Variants in PDE1A observed in about 807,000 individuals in gnomAD.
PDE1A encodes dual specificity calcium/calmodulin-dependent 3',5'-cyclic nucleotide phosphodiesterase 1A.
A neutral mutation model predicts 61.7 loss-of-function variants in PDE1A; 35 were observed. The observed-to-expected ratio is 0.57, with a 90% CI of 0.43 to 0.75. The LOEUF is 0.75. Among genes scored for constraint, PDE1A ranks in the 30% least tolerant of loss-of-function variants. The pLI is 0.00. For synonymous variants in PDE1A, 232 were observed against 213.2 expected, an observed-to-expected ratio of 1.09 and a Z score of -0.77; for missense variants, 597 against 630.6, an observed-to-expected ratio of 0.95 and a Z score of 0.57.
chr2:182,516,810 A>T (rs1690212697), intron 2 of PDE1A, among the ~76,000 whole-genome samples: 1 of 110,140 alleles, frequency 9.1e-6, no homozygotes, highest in Admixed American at 1.0e-4. Flanking sequence ...AAAGGAAGGA[A>T]GGAAAGGAAG....
chr2:182,650,043 T>C, the PDE1A span, among the ~76,000 whole-genome samples: 1 of 152,018 alleles, frequency 6.6e-6, no homozygotes, highest in African/African-American at 2.4e-5. Context: ...CATATCTAGG[T>C]GTGATCGTAC....
chr2:182,475,232 T>C (rs1687278745), intron 2 of PDE1A, among the ~76,000 whole-genome samples: 1 of 151,884 alleles, frequency 6.6e-6, no homozygotes, highest in African/African-American at 2.4e-5. Context: ...ACTGTCAAGA[T>C]GAGACCTCAG....
At chr2:182,403,406 TG>T (rs1370192685) in intron 1 of PDE1A, among the ~76,000 whole-genome samples, 1 of 151,938 alleles carries the variant, frequency 6.6e-6, no homozygotes, top group Non-Finnish European at 1.5e-5. Context: ...GAGACCATCC[TG>T]GCTAACACGG....
At chr2:182,253,156 G>A (rs529980479) in intron 2 of PDE1A, among the ~76,000 whole-genome samples, 1 of 152,284 alleles carries the variant, frequency 6.6e-6, no homozygotes, top group African/African-American at 2.4e-5. Context: ...TTTATTGTTA[G>A]GGTAAAGTGA....
chr2:182,598,613 C>T, the PDE1A span, among the ~76,000 whole-genome samples: 23 of 151,780 alleles, frequency 1.5e-4, no homozygotes, highest in African/African-American at 5.6e-4. Flanking sequence ...TCTGCTTTCA[C>T]GCTCTCCCTT....
chr2:182,278,423 C>T (rs1377145131), intron 1 of PDE1A, among the ~76,000 whole-genome samples: 3 of 151,884 alleles, frequency 2.0e-5, no homozygotes, highest in Admixed American at 6.6e-5. Context: ...GGCTTCAGTT[C>T]TATGTTTTGG....
chr2:182,209,419 G>A (rs1248622623), intron 7 of PDE1A, among the ~76,000 whole-genome samples: 1 of 151,864 alleles, frequency 6.6e-6, no homozygotes. Flanking sequence ...AATTCAACAT[G>A]AGATTTGGAT....
intron 7 of PDE1A, among the ~76,000 whole-genome samples, chr2:182,209,506 G>A (rs1033936828): frequency 6.6e-6 from 1 of 151,248 alleles, no homozygotes; most frequent in Non-Finnish European, 1.5e-5. Context: ...GGGGGACACA[G>A]AGCCAAGCAT....
chr2:182,376,289 C>G (rs1700400184), intron 1 of PDE1A, among the ~76,000 whole-genome samples: 1 of 152,178 alleles, frequency 6.6e-6, no homozygotes, highest in Non-Finnish European at 1.5e-5. Flanking sequence ...TTTAACAGCA[C>G]CCAAGTCACC....
chr2:182,602,992 C>CACACATACATACAT, the PDE1A span, among the ~76,000 whole-genome samples: 1,701 of 130,454 alleles, frequency 0.013, 17 homozygotes, highest in African/African-American at 0.024. Flanking sequence ...CACACACACA[C>CACACATACATACAT]ACATACATAC....
chr2:182,714,999 A>G, the PDE1A span, among the ~76,000 whole-genome samples: 1 of 152,170 alleles, frequency 6.6e-6, no homozygotes, highest in African/African-American at 2.4e-5. Flanking sequence ...AAGCTTCCTC[A>G]TCACCTAAGA....
chr2:182,662,598 C>G, the PDE1A span, among the ~76,000 whole-genome samples: 2 of 152,132 alleles, frequency 1.3e-5, no homozygotes, highest in Non-Finnish European at 2.9e-5. Flanking sequence ...AAAGGACTCC[C>G]TATTCGATAA....
the PDE1A span, among the ~76,000 whole-genome samples, chr2:182,607,112 T>TGGTTA: frequency 6.6e-6 from 1 of 151,982 alleles, no homozygotes; most frequent in Non-Finnish European, 1.5e-5. Context: ...CAGAAGCAGG[T>TGGTTA]GGTTAGTTAG....
At chr2:182,503,780 C>A (rs1574816599) in intron 2 of PDE1A, among the ~76,000 whole-genome samples, 2 of 152,068 alleles carry the variant, frequency 1.3e-5, no homozygotes, top group South Asian at 2.1e-4. Context: ...TATTCTTTTG[C>A]CTGATTATGT....
Position 182,262,802 on chromosome 2 carries a change from A to G in PDE1A, c.167+1499T>C, listed in dbSNP as rs111670192. ...GAATGAGAGACTGTTTACGTAGTAT[A>G]CTACCTTCCATGAAAGGATGAGGCA... On this transcript the variant is annotated intron_variant, in intron 2 of 13. Coordinates refer to ENST00000351439, the Ensembl canonical transcript of PDE1A. 5.1e-3 allele frequency among the ~76,000 whole-genome samples: 782 copies of G among 152,328 alleles called. 6 individuals carry two copies. Among genetic ancestry groups the G allele is most frequent in the Middle Eastern group, 0.02 (6 of 294 alleles).
chr2:182,495,975 G>C (rs1304821004), intron 2 of PDE1A, among the ~76,000 whole-genome samples: 1 of 152,176 alleles, frequency 6.6e-6, no homozygotes, highest in Admixed American at 6.5e-5. Flanking sequence ...GATTTAGTGG[G>C]ATAACAAATA....
chr2:182,451,378 C>CAAAAAAAAAAAAAAAAAAA (rs1219608685), intron 2 of PDE1A, among the ~76,000 whole-genome samples: 5 of 12,300 alleles, frequency 4.1e-4, no homozygotes, highest in African/African-American at 1.6e-3. Context: ...GACTCCGTCT[C>CAAAAAAAAAAAAAAAAAAA]AAAAAAAAAA....
At chr2:182,601,582 G>T in the PDE1A span, among the ~76,000 whole-genome samples, 3 of 152,232 alleles carry the variant, frequency 2.0e-5, no homozygotes, top group South Asian at 6.2e-4. Flanking sequence ...GAGGCACACA[G>T]ACAAATGGAG....
At chr2:182,508,393 C>A (rs1574826350) in intron 2 of PDE1A, among the ~76,000 whole-genome samples, 1 of 149,302 alleles carries the variant, frequency 6.7e-6, no homozygotes, top group Non-Finnish European at 1.5e-5. Context: ...CCAGACTAAC[C>A]AGATAAGAAA....
Sources: gnomAD v4.1 joint callset for allele counts (sites outside exome capture counted in the v4.1 genomes callset) on GRCh38, gnomAD v4.1.1 for gene constraint, MANE v1.5 for transcripts, NCBI Gene and HGNC (gene_info 2026-07-23, HGNC 2026-07-21) for gene names.